The following PCDHGB1 variants were observed in gnomAD, a reference collection of about 807,000 sequenced individuals.
The protein encoded by PCDHGB1 is protocadherin gamma-B1.
A neutral mutation model predicts 56.6 loss-of-function variants in PCDHGB1; 34 were observed. The observed-to-expected ratio is 0.60, with a 90% confidence interval of 0.46 to 0.80. The LOEUF (loss-of-function observed/expected upper bound fraction) is 0.80, where lower values mean the gene tolerates loss of function less well. PCDHGB1 is among the 30% of genes least tolerant of loss of function. PCDHGB1 has a pLI of 0.00. For missense variants in PCDHGB1, 1,278 were observed against 1,204.6 expected (o/e 1.06, Z -0.90); for synonymous variants, 561 against 505.9 (o/e 1.11, Z -1.46).
At chr5:141,459,891 CT>C (rs1405964049) in intron 1 of PCDHGB1, among the ~76,000 whole-genome samples, 1 of 152,158 alleles carries the variant, frequency 6.6e-6, no homozygotes, top group African/African-American at 2.4e-5. Flanking sequence ...TGAACGCCTT[CT>C]TAAAATTGAG....
At position 141,490,979 on chromosome 5, in the gene PCDHGB1, C is replaced by T. The variant is rs1217345302; in HGVS notation, c.2410-3828C>T. 6.2e-7 allele frequency: 1 copy of T among 1,614,086 alleles called. No individual in the cohort carries two copies. The highest frequency in any genetic ancestry group is 8.5e-7 in the Non-Finnish European group (1 of 1,180,014). ...GAACACTCAGCCCCCCAGCGTCTCC[C>T]TCGCTCTGCTCCTCCTGGCTCCTTG... On this transcript the variant is annotated intron_variant, in intron 1 of 3. Transcript: ENST00000523390. This position sits in a 1 kb window ranked among gnomAD's most constrained non-coding sequence, Gnocchi z 5.4.
At position 141,352,364 on chromosome 5, in the gene PCDHGB1, G is replaced by A. The variant is rs758290229; in HGVS notation, c.2104G>A (p.Ala702Thr). 6.2e-7 allele frequency: 1 copy of A among 1,613,988 alleles called. No individual in the cohort carries two copies. The highest frequency in any genetic ancestry group is 1.1e-5 in the South Asian group (1 of 91,082). ...CTTGATCTCAGTGCTCTTTCTCCTC[G>A]CGGTGATTCTAGCGATCGCCCTGCG... ...LALISVLFLL[A>T]VILAIALRLR... The change falls in exon 1 of 4, where the codon GCG (alanine) becomes ACG (threonine). Residue 702 changes from alanine (A) to threonine (T), a missense_variant. Ala to Thr is a moderately conservative substitution (Grantham distance 58). Coordinates refer to ENST00000523390, the MANE Select transcript of PCDHGB1 (RefSeq NM_018922.3).
intron 1 of PCDHGB1, chr5:141,428,289 G>A: frequency 1.4e-6 from 1 of 728,400 alleles, no homozygotes; most frequent in Non-Finnish European, 2.4e-6. Context: ...CCCAAGCAAA[G>A]CTGCAGATTT....
At chr5:141,413,331 C>T (rs1300057166) in intron 1 of PCDHGB1, 1 of 1,613,992 alleles carries the variant, frequency 6.2e-7, no homozygotes, top group Admixed American at 1.7e-5. Context: ...TGGGCAACAT[C>T]TCCAAGGACT....
Position 141,386,595 on chromosome 5 carries a change from A to AT in PCDHGB1, c.2409+33938dup, listed in dbSNP as rs373179212. On this transcript the variant is annotated intron_variant, in intron 1 of 3. Coordinates refer to ENST00000523390, the MANE Select transcript of PCDHGB1 (RefSeq NM_018922.3). ...CTCTGTACAATAGTGTGGGGGATAC[A>AT]TTTTTTTTTTTTGACATGGAGTCTC... Among the ~76,000 whole-genome samples, 373 of 146,122 alleles carry AT rather than the reference A, an allele frequency of 2.6e-3. 1 individual carries two copies. The highest frequency in any genetic ancestry group is 0.012 in the East Asian group (62 of 5,036).
chr5:141,373,098 C>T (rs1402463048), intron 1 of PCDHGB1, among the ~76,000 whole-genome samples: 2 of 152,208 alleles, frequency 1.3e-5, no homozygotes, highest in Non-Finnish European at 2.9e-5. Flanking sequence ...CTGTCATTTT[C>T]AGACATATCT....
chr5:141,404,167 G>C, intron 1 of PCDHGB1: 1 of 1,612,946 alleles, frequency 6.2e-7, no homozygotes, highest in South Asian at 1.1e-5. Context: ...ACAGATTGTT[G>C]ACGGCCCAAA....
At position 141,350,619 on chromosome 5, in the gene PCDHGB1, T is replaced by C. The variant is rs1288152150; in HGVS notation, c.359T>C (p.Ile120Thr). The C allele has an allele frequency of 1.2e-6, 2 of 1,614,022 alleles. No homozygotes were observed. The highest frequency in any genetic ancestry group is 3.3e-5 in the Admixed American group (2 of 60,030). The change falls in exon 1 of 4, where the codon ATC (isoleucine) becomes ACC (threonine). Residue 120 changes from isoleucine (I) to threonine (T), a missense_variant. Ile to Thr is a moderately conservative substitution (Grantham distance 89). Transcript: ENST00000523390. ...AATGTTTTCCACGTGGTTGTTGTAA[T>C]CCAAGATATTAATGACAATGCACCA... ...PMNVFHVVVV[I>T]QDINDNAPRF...
chr5:141,452,463 G>A (rs2098741767), intron 1 of PCDHGB1, among the ~76,000 whole-genome samples: 1 of 152,160 alleles, frequency 6.6e-6, no homozygotes, highest in African/African-American at 2.4e-5. Flanking sequence ...AGCAGACGGA[G>A]CTAGGAAAAA....
In PCDHGB1 at chr5:141,415,292, G is replaced by T. The variant is rs778092218; in HGVS notation, c.2409+62623G>T. The T allele has an allele frequency of 1.7e-5, 28 of 1,614,082 alleles. No individual in the cohort carries two copies. Among genetic ancestry groups the T allele is most frequent in the Non-Finnish European group, 2.3e-5 (27 of 1,180,046 alleles). Reference sequence around the variant, plus strand: ...GTGGTAGCGGTGGCCGCGGTCTCCTGCGTCTTCCTGGCCTTCGTCATCGTG... The same window carrying T: ...GTGGTAGCGGTGGCCGCGGTCTCCTTCGTCTTCCTGGCCTTCGTCATCGTG... On this transcript the variant is annotated intron_variant, in intron 1 of 3. Coordinates refer to ENST00000523390, the MANE Select transcript of PCDHGB1 (RefSeq NM_018922.3).
Position 141,374,077 on chromosome 5 carries a change from G to A in PCDHGB1, c.2409+21408G>A, listed in dbSNP as rs530727064. 38 of 1,515,728 alleles carry A rather than the reference G, an allele frequency of 2.5e-5. No individual in the cohort carries two copies. The African/African-American group carries it at 3.6e-4, about 14-fold the overall frequency. 93.9% of individuals were successfully genotyped at this position (1,515,728 alleles called of 1,614,324 possible). A position where few individuals can be genotyped will look rare whatever the true frequency, so the allele number is the denominator to read the frequency against. ...TTAATCCCAGAGAAGTTCCTAATAA[G>A]CCAGTAATGGCGCCTCCGCAGAGGC... On this transcript the variant is annotated intron_variant, in intron 1 of 3. Coordinates refer to ENST00000523390, the MANE Select transcript of PCDHGB1 (RefSeq NM_018922.3).
At chr5:141,408,558 T>A (rs748858215) in intron 1 of PCDHGB1, 48 of 1,613,898 alleles carry the variant, frequency 3.0e-5, no homozygotes, top group Non-Finnish European at 5.9e-6. Context: ...ATTTTTCATG[T>A]CATTGTGGTG....
rs1474643025 is a variant in PCDHGB1 at position 141,370,777 on chromosome 5, AC to A, written c.2409+18109del. 10 of 1,613,896 alleles carry A rather than the reference AC, an allele frequency of 6.2e-6. No homozygotes were observed. The African/African-American group carries it at 1.2e-4, about 19-fold the overall frequency. ...ACTGTGCTGATCCAGGATATTAACG[AC>A]AACCCACCGACCTTTAGCCAAAATA... On this transcript the variant is annotated intron_variant, in intron 1 of 3. Transcript: ENST00000523390.
chr5:141,415,492 A>G lies in PCDHGB1; in HGVS notation c.2409+62823A>G, dbSNP rs373866182. 4 of 1,614,154 alleles carry G rather than the reference A, an allele frequency of 2.5e-6. No individual in the cohort carries two copies. The African/African-American group carries it at 4.0e-5, about 16-fold the overall frequency. On this transcript the variant is annotated intron_variant, in intron 1 of 3. Transcript: ENST00000523390. Reference sequence around the variant, plus strand: ...CGCGGACTCGCGAAAGAGTCACCTGATCTTCCCCCAGCCCAATTATGCGGA... The same window carrying G: ...CGCGGACTCGCGAAAGAGTCACCTGGTCTTCCCCCAGCCCAATTATGCGGA...
At position 141,423,386 on chromosome 5, in the gene PCDHGB1, G is replaced by C; in HGVS notation, c.2409+70717G>C. ...CTGCTGGCACTCAGGCTGTGGCGCT[G>C]GCATAAGTCACGCCTGCTGCAGGCT... On this transcript the variant is annotated intron_variant, in intron 1 of 3. Transcript: ENST00000523390. The C allele has an allele frequency of 1.9e-6, 3 of 1,614,160 alleles. No homozygotes were observed. The South Asian group carries it at 3.3e-5, about 18-fold the overall frequency.
chr5:141,386,695 A>G (rs2090674224), intron 1 of PCDHGB1, among the ~76,000 whole-genome samples: 1 of 152,168 alleles, frequency 6.6e-6, no homozygotes, highest in Non-Finnish European at 1.5e-5. Flanking sequence ...CACTTGGGGT[A>G]GAAGACAATG....
In PCDHGB1 at chr5:141,490,823, A is replaced by T. The variant is rs1340589166; in HGVS notation, c.2410-3984A>T. ...CGTACCTTTGACTATGAATTGCTGC[A>T]GATGCTGCAGATTGTGGTGGGGGTT... On this transcript the variant is annotated intron_variant, in intron 1 of 3. Transcript: ENST00000523390. This position sits in a 1 kb window ranked among gnomAD's most constrained non-coding sequence, Gnocchi z 5.4. 13 of 1,613,928 alleles carry T rather than the reference A, an allele frequency of 8.1e-6. No individual in the cohort carries two copies. Among genetic ancestry groups the T allele is most frequent in the Non-Finnish European group, 9.3e-6 (11 of 1,179,864 alleles).
chr5:141,415,515 G>A (rs752258863), intron 1 of PCDHGB1: 5 of 1,614,152 alleles, frequency 3.1e-6, no homozygotes, highest in South Asian at 1.1e-5. Flanking sequence ...CCAATTATGC[G>A]GACACGCTCA....
chr5:141,413,256 A>G (rs1255086187), intron 1 of PCDHGB1: 2 of 1,613,946 alleles, frequency 1.2e-6, no homozygotes, highest in Admixed American at 1.7e-5. Context: ...TCGGGATTCC[A>G]TGGGAGGCTG....
Sources: gnomAD v4.1 joint callset for allele counts (sites outside exome capture counted in the v4.1 genomes callset) on GRCh38, gnomAD v4.1.1 for gene constraint, Gnocchi (gnomAD v3.1) non-coding constraint, MANE v1.5 for transcripts, NCBI Gene and HGNC (gene_info 2026-07-23, HGNC 2026-07-21) for gene names.